Variants in ZFP57 observed in about 807,000 individuals in gnomAD.
ZFP57 encodes zinc finger protein 57 homolog.
A neutral mutation model predicts 15.8 loss-of-function variants in ZFP57; 12 were observed. That is an observed-to-expected ratio of 0.76 (90% confidence interval 0.49 to 1.23). ZFP57 has a LOEUF of 1.23. Ranked by LOEUF, ZFP57 falls within the 50% of genes most tolerant of loss-of-function variation. ZFP57 has a pLI of 0.00. For missense variants in ZFP57, 536 were observed against 654.9 expected (o/e 0.82, Z 1.98); for synonymous variants, 203 against 242.3 (o/e 0.84, Z 1.51).
Position 29,673,558 on chromosome 6 carries a change from T to C in ZFP57, c.553A>G (p.Ser185Gly), listed in dbSNP as rs755902229. ...FFCYTCGKCF[S>G]RRSYLYSHQF... is the part of the protein sequence containing the mutation. ...TGGCTATAGAGGTAGGAGCGCCTGC[T>C]GAAACATTTGCCACAGGTGTAGCAA... is the stretch of plus-strand genomic sequence containing the variant. Residue 185 changes from serine (S) to glycine (G), a missense_variant, in exon 5 of 5, where the codon AGC becomes GGC. Ser to Gly is a moderately conservative substitution (Grantham distance 56). Transcript: ENST00000376883. This position sits in a 1 kb window ranked among gnomAD's most constrained non-coding sequence, Gnocchi z 4.7. 87 of 1,612,940 alleles carry C rather than the reference T, an allele frequency of 5.4e-5. No individual in the cohort carries two copies. The East Asian group carries it at 1.6e-3, about 30-fold the overall frequency.
At chr6:29,677,712 C>T (rs1319289654) in intron 1 of ZFP57, among the ~76,000 whole-genome samples, 2 of 151,814 alleles carry the variant, frequency 1.3e-5, no homozygotes, top group Non-Finnish European at 2.9e-5. Flanking sequence ...TTGGTTTCAT[C>T]AGAAATGTGA....
intron 2 of ZFP57, among the ~76,000 whole-genome samples, chr6:29,676,539 A>AAAT (rs1772082565): frequency 7.3e-6 from 1 of 136,342 alleles, no homozygotes; most frequent in Admixed American, 7.4e-5. Flanking sequence ...CCGTCTCAAA[A>AAAT]AAAAAAAAAA....
At chr6:29,679,910 C>CAAAAAAA (rs67398923) in intron 1 of ZFP57, among the ~76,000 whole-genome samples, 5 of 107,228 alleles carry the variant, frequency 4.7e-5, no homozygotes, top group East Asian at 3.2e-4. Flanking sequence ...AACAAACAAA[C>CAAAAAAA]AAAAAAAAAC....
chr6:29,678,820 G>C (rs773331058), intron 1 of ZFP57, among the ~76,000 whole-genome samples: 19 of 152,108 alleles, frequency 1.2e-4, no homozygotes, highest in Admixed American at 3.3e-4. Context: ...ATCACTTCAG[G>C]GCAGGAATTT....
Position 29,675,985 on chromosome 6 carries a change from C to T in ZFP57, c.198G>A (p.Arg66=), listed in dbSNP as rs1234019681. The T allele has an allele frequency of 6.2e-7, 1 of 1,613,248 alleles. No homozygotes were observed. Among genetic ancestry groups the T allele is most frequent in the Non-Finnish European group, 8.5e-7 (1 of 1,180,010 alleles). The change falls in exon 3 of 5, where the codon AGG becomes AGA. Residue 66 remains arginine, a synonymous_variant. Coordinates refer to ENST00000376883, the MANE Select transcript of ZFP57 (RefSeq NM_001109809.5). ...EEWDCLDASQ[R]VLYQDVMSET... ...CCGACATAACATCCTGGTAAAGGAC[C>T]CTCTGGCTGGCATCTAGACAGTCCC... is the stretch of plus-strand genomic sequence containing the variant.
chr6:29,679,231 A>C (rs1772216343), intron 1 of ZFP57, among the ~76,000 whole-genome samples: 2 of 152,124 alleles, frequency 1.3e-5, no homozygotes, highest in African/African-American at 4.8e-5. Context: ...ACATAGCTGA[A>C]CTCTCACCTT....
At chr6:29,677,820 T>C (rs1438522703) in intron 1 of ZFP57, among the ~76,000 whole-genome samples, 1 of 151,628 alleles carries the variant, frequency 6.6e-6, no homozygotes, top group African/African-American at 2.4e-5. Context: ...GGATTTTCAA[T>C]ACATGTAGTA....
chr6:29,677,826 T>C (rs1193380646), intron 1 of ZFP57, among the ~76,000 whole-genome samples: 1 of 150,700 alleles, frequency 6.6e-6, no homozygotes, highest in African/African-American at 2.4e-5. Context: ...TCAATACATG[T>C]AGTAGTTCCC....
intron 4 of ZFP57, among the ~76,000 whole-genome samples, chr6:29,674,227 C>T (rs137911139): frequency 1.4e-5 from 2 of 144,314 alleles, no homozygotes; most frequent in African/African-American, 2.7e-5. Flanking sequence ...AAGAAGAAGA[C>T]GAAGACGAAG....
intron 1 of ZFP57, among the ~76,000 whole-genome samples, chr6:29,679,410 T>C (rs1018359667): frequency 6.6e-6 from 1 of 152,228 alleles, no homozygotes; most frequent in Non-Finnish European, 1.5e-5. Flanking sequence ...GTTAATTGGA[T>C]CTCCAAAATG....
intron 3 of ZFP57, 30 bp from the exon 4 acceptor site, chr6:29,675,517 T>A: frequency 6.3e-7 from 1 of 1,588,580 alleles, no homozygotes; most frequent in Non-Finnish European, 8.6e-7. Context: ...AAGAGTTGAG[T>A]TGGTCCCAGG....
In ZFP57 at chr6:29,676,920, G is replaced by A. The variant is rs1365790127; in HGVS notation, c.84C>T (p.Ala28=). ...CCTCCCTCCAGCAATCTCTCTTCAT[G>A]GCTTCCTGCAGGGTGGCAGCTACCT... The part of the protein sequence containing the change: ...VGEVAATLQE[A]MKRDCWREAR... Residue 28 remains alanine, a synonymous_variant, in exon 2 of 5, where the codon GCC becomes GCT. Transcript: ENST00000376883. 6.2e-7 allele frequency: 1 copy of A among 1,614,164 alleles called. No individual in the cohort carries two copies. The highest frequency in any genetic ancestry group is 1.3e-5 in the African/African-American group (1 of 75,058).
chr6:29,675,277 G>A, intron 4 of ZFP57, 109 bp downstream of exon 4: 1 of 853,982 alleles, frequency 1.2e-6, no homozygotes, highest in Non-Finnish European at 2.0e-6. Flanking sequence ...CTGGACAGAG[G>A]TACACTAGGA....
At chr6:29,675,626 A>G in intron 3 of ZFP57, 139 bp from the exon 4 acceptor site, 1 of 811,114 alleles carries the variant, frequency 1.2e-6, no homozygotes, top group South Asian at 1.4e-5. Flanking sequence ...AGGAGACATT[A>G]AAAGGCCAGC....
At chr6:29,677,966 G>A (rs1772159032) in intron 1 of ZFP57, among the ~76,000 whole-genome samples, 1 of 152,208 alleles carries the variant, frequency 6.6e-6, no homozygotes, top group Non-Finnish European at 1.5e-5. Flanking sequence ...TTGGGAGGCT[G>A]AGGTAGGCAG....
chr6:29,672,456 C>T, downstream of ZFP57: 1 of 1,612,100 alleles, frequency 6.2e-7, no homozygotes. Context: ...GGTCAGTCCT[C>T]AGGAAAACTA....
chr6:29,679,640 A>G (rs542718901), intron 1 of ZFP57, among the ~76,000 whole-genome samples: 20 of 152,256 alleles, frequency 1.3e-4, no homozygotes, highest in African/African-American at 4.8e-4. Flanking sequence ...TGTAATCCCA[A>G]CACTTGGGGA....
rs1771791066 is a variant in ZFP57 at position 29,673,007 on chromosome 6, A to G, written c.1104T>C (p.Asp368=). ...TCACTGGATGAGAGTTGGATCTGGC[A>G]TCCTGACAGAGGGTTCCAGTGATGG... is the stretch of plus-strand genomic sequence containing the variant. ...QAPITGTLCQ[D]ARSNSHPVKP... The change falls in exon 5 of 5, where the codon GAT becomes GAC. Residue 368 remains aspartate, a synonymous_variant. Transcript: ENST00000376883. The surrounding 1 kb of genome is among the most constrained non-coding windows in gnomAD (Gnocchi z 4.7). 1 of 1,613,056 alleles carries G rather than the reference A, an allele frequency of 6.2e-7. No individual in the cohort carries two copies. Among genetic ancestry groups the G allele is most frequent in the African/African-American group, 1.3e-5 (1 of 75,034 alleles).
chr6:29,677,606 T>C (rs1173431584), intron 1 of ZFP57, among the ~76,000 whole-genome samples: 1 of 152,252 alleles, frequency 6.6e-6, no homozygotes, highest in Non-Finnish European at 1.5e-5. Context: ...CTAATGTTAA[T>C]GTTAGACTCA....
Sources: allele counts gnomAD v4.1 joint callset (sites outside exome capture counted in the v4.1 genomes callset), GRCh38; gene constraint gnomAD v4.1.1; non-coding constraint Gnocchi (gnomAD v3.1); transcripts MANE v1.5; gene names NCBI Gene and HGNC (gene_info 2026-07-23, HGNC 2026-07-21).